ERICH6: variants seen among roughly 807,000 people sequenced by gnomAD.
The protein encoded by ERICH6 is glutamate rich 6.
A neutral mutation model predicts 71.0 loss-of-function variants in ERICH6; 71 were observed. The observed-to-expected ratio is 1.00, with a 90% CI of 0.83 to 1.22. ERICH6 has a LOEUF of 1.22. Among genes scored for constraint, ERICH6 ranks in the 50% most tolerant of loss-of-function variants. The probability of loss-of-function intolerance (pLI) is 0.00; values close to 1 mark genes in which losing one functional copy is unlikely to be tolerated. For missense variants in ERICH6, 808 were observed against 797.2 expected (o/e 1.01, Z -0.16); for synonymous variants, 262 against 278.4 (o/e 0.94, Z 0.59).
At chr3:150,703,247 C>G (rs1712988640) in intron 1 of ERICH6, among the ~76,000 whole-genome samples, 1 of 151,728 alleles carries the variant, frequency 6.6e-6, no homozygotes, top group African/African-American at 2.4e-5. Context: ...GCACTTCATA[C>G]AGCCATGCCC....
At chr3:150,661,503 T>G (rs1727223181) in intron 13 of ERICH6, among the ~76,000 whole-genome samples, 1 of 152,144 alleles carries the variant, frequency 6.6e-6, no homozygotes, top group South Asian at 2.1e-4. Flanking sequence ...GGCACCAGAT[T>G]TACCTATCAG....
chr3:150,675,677 A>G (rs1711621986), intron 10 of ERICH6, among the ~76,000 whole-genome samples: 1 of 150,802 alleles, frequency 6.6e-6, no homozygotes, highest in Non-Finnish European at 1.5e-5. Context: ...AATATATTTT[A>G]ACTGGGTATA....
chr3:150,674,111 AC>A (rs1711563052), intron 10 of ERICH6, 70 bp from the exon 11 acceptor site: 1 of 1,270,196 alleles, frequency 7.9e-7, no homozygotes, highest in Admixed American at 1.8e-5. Context: ...ACAACAATGG[AC>A]ATCAGCTGGT....
At chr3:150,697,742 T>C (rs768154054) in intron 3 of ERICH6, among the ~76,000 whole-genome samples, 2 of 152,200 alleles carry the variant, frequency 1.3e-5, no homozygotes, top group Non-Finnish European at 2.9e-5. Flanking sequence ...GCTCTTGCCC[T>C]CATATTTTCT....
chr3:150,669,680 C>T (rs563350743), intron 11 of ERICH6, among the ~76,000 whole-genome samples: 25 of 152,232 alleles, frequency 1.6e-4, no homozygotes, highest in Non-Finnish European at 2.4e-4. Flanking sequence ...AAAAGGATTA[C>T]GCACCATGAT....
chr3:150,679,674 T>A (rs1576553318), intron 9 of ERICH6, among the ~76,000 whole-genome samples: 2 of 152,282 alleles, frequency 1.3e-5, no homozygotes, highest in East Asian at 3.9e-4. Context: ...GACTTTTTTT[T>A]TTTGAGACAG....
At chr3:150,702,071 G>A (rs1712893776) in intron 2 of ERICH6, 50 bp downstream of exon 2, 5 of 1,200,868 alleles carry the variant, frequency 4.2e-6, no homozygotes, top group Non-Finnish European at 3.6e-6. Flanking sequence ...TATCCAAAAG[G>A]TAAACATTAT....
chr3:150,699,777 A>C (rs1341565481), intron 2 of ERICH6, among the ~76,000 whole-genome samples: 2 of 152,036 alleles, frequency 1.3e-5, no homozygotes, highest in African/African-American at 4.8e-5. Flanking sequence ...CAACAATCAG[A>C]GAACAAGCAC....
At chr3:150,680,374 A>AT in intron 9 of ERICH6, 94 bp downstream of exon 9, 3 of 1,336,106 alleles carry the variant, frequency 2.2e-6, no homozygotes, top group Non-Finnish European at 3.2e-6. Flanking sequence ...GGCCAATACT[A>AT]TTTTTTAAAT....
At chr3:150,680,094 T>C (rs1293297622) in intron 9 of ERICH6, among the ~76,000 whole-genome samples, 1 of 152,234 alleles carries the variant, frequency 6.6e-6, no homozygotes, top group Non-Finnish European at 1.5e-5. Context: ...TGTTGCTAAT[T>C]TATTTCAATG....
chr3:150,697,582 T>C (rs1712699386), intron 3 of ERICH6, among the ~76,000 whole-genome samples: 1 of 152,198 alleles, frequency 6.6e-6, no homozygotes, highest in Non-Finnish European at 1.5e-5. Flanking sequence ...TGAGTATCAT[T>C]TGAGCCTGTT....
chr3:150,681,891 T>G (rs1711964089), intron 7 of ERICH6, among the ~76,000 whole-genome samples: 1 of 137,254 alleles, frequency 7.3e-6, no homozygotes, highest in Admixed American at 8.8e-5. Flanking sequence ...CTTGGCTCAC[T>G]GCGACCTCCG....
intron 11 of ERICH6, among the ~76,000 whole-genome samples, chr3:150,670,142 C>T (rs2108044880): frequency 6.6e-6 from 1 of 152,118 alleles, no homozygotes; most frequent in Middle Eastern, 3.4e-3. Context: ...AGATCAGAAA[C>T]TAAACAAAAA....
intron 3 of ERICH6, among the ~76,000 whole-genome samples, chr3:150,690,986 C>G (rs938023639): frequency 1.3e-5 from 2 of 152,164 alleles, no homozygotes; most frequent in African/African-American, 4.8e-5. Context: ...CCATTATCAT[C>G]TTTGTTTCAA....
intron 2 of ERICH6, among the ~76,000 whole-genome samples, chr3:150,700,296 T>C (rs982262527): frequency 6.8e-5 from 10 of 146,200 alleles, no homozygotes; most frequent in African/African-American, 2.6e-4. Flanking sequence ...GGTTTCACCA[T>C]GTGAAATGGT....
chr3:150,679,863 G>A (rs983036438), intron 9 of ERICH6, among the ~76,000 whole-genome samples: 8 of 152,108 alleles, frequency 5.3e-5, no homozygotes, highest in Admixed American at 1.3e-4. Flanking sequence ...TCACTATGTT[G>A]GCCAGGCTGA....
intron 7 of ERICH6, among the ~76,000 whole-genome samples, chr3:150,681,977 G>A (rs1243673275): frequency 6.6e-6 from 1 of 151,870 alleles, no homozygotes; most frequent in Non-Finnish European, 1.5e-5. Context: ...GCCATGCCCG[G>A]CTAATTTTTT....
chr3:150,691,491 G>T (rs529150662), intron 3 of ERICH6, among the ~76,000 whole-genome samples: 27 of 152,152 alleles, frequency 1.8e-4, no homozygotes, highest in Non-Finnish European at 3.1e-4. Context: ...AGCTTAAAGA[G>T]AAATAATTTC....
Position 150,703,663 on chromosome 3 carries a change from C to G in ERICH6, c.236G>C (p.Trp79Ser). Residue 79 changes from tryptophan (W) to serine (S), a missense_variant, in exon 1 of 14, where the codon TGG becomes TCG. Transcript: ENST00000295910. ...GTAGTCACCGATGTCCGTGACCTTC[C>G]AGAGGTACTCTTCGCTGAACGTCTC... is the stretch of plus-strand genomic sequence containing the variant. ...APETFSEEYLWKVTDIGDYDD... is the reference protein window; with the variant it reads ...APETFSEEYLSKVTDIGDYDD... The G allele has an allele frequency of 8.7e-6, 14 of 1,613,732 alleles. No homozygotes were observed. The highest frequency in any genetic ancestry group is 1.2e-5 in the Non-Finnish European group (14 of 1,179,830).
Sources: gnomAD v4.1 joint callset for allele counts (sites outside exome capture counted in the v4.1 genomes callset) on GRCh38, gnomAD v4.1.1 for gene constraint, MANE v1.5 for transcripts, NCBI Gene and HGNC (gene_info 2026-07-23, HGNC 2026-07-21) for gene names.